XYLT1: variants seen among roughly 807,000 people sequenced by gnomAD.
The protein encoded by XYLT1 is xylosyltransferase 1.
Under a neutral mutation model 91.3 loss-of-function variants are expected in XYLT1, and 36 were observed. That is an observed-to-expected ratio of 0.39 (90% CI 0.30 to 0.52). The LOEUF (loss-of-function observed/expected upper bound fraction) is 0.52. Among genes scored for constraint, XYLT1 ranks in the 20% least tolerant of loss-of-function variants. XYLT1 has a pLI of 0.68. For synonymous variants in XYLT1, 588 were observed against 532.0 expected (o/e 1.11, Z -1.45); for missense variants, 1,242 against 1,284.5 (o/e 0.97, Z 0.51).
At position 17,226,239 on chromosome 16, in the gene XYLT1, C is replaced by T. The variant is rs553394579; in HGVS notation, c.914-25585G>A. On this transcript the variant is annotated intron_variant, in intron 3 of 11. Transcript: ENST00000261381. ...CTGAATGTATTTGTGCAGCTTGTGA[C>T]TCTGAGCAACTGAAACCAATGAAAC... Among the ~76,000 whole-genome samples the T allele has an allele frequency of 2.1e-4, 32 of 152,346 alleles. No individual in the cohort carries two copies. In the South Asian group the frequency reaches 6.2e-3, roughly 30 times the overall value.
At chr16:17,198,830 C>T (rs1193440230) in intron 4 of XYLT1, among the ~76,000 whole-genome samples, 1 of 152,174 alleles carries the variant, frequency 6.6e-6, no homozygotes, top group Non-Finnish European at 1.5e-5. Flanking sequence ...CTGCAACCTC[C>T]ACCACCCAAG....
intron 1 of XYLT1, among the ~76,000 whole-genome samples, chr16:17,395,598 T>C (rs1385518164): frequency 1.3e-5 from 2 of 151,530 alleles, no homozygotes; most frequent in Non-Finnish European, 2.9e-5. Flanking sequence ...ATCATAATAA[T>C]TATTCTTGCT....
At chr16:17,121,247 A>G (rs570827168) in intron 10 of XYLT1, among the ~76,000 whole-genome samples, 39 of 152,350 alleles carry the variant, frequency 2.6e-4, no homozygotes, top group African/African-American at 8.4e-4. Flanking sequence ...AAATGAGGAT[A>G]AACACTTCCC....
chr16:17,203,408 T>G (rs1221106367), intron 3 of XYLT1, among the ~76,000 whole-genome samples: 11 of 151,698 alleles, frequency 7.3e-5, no homozygotes, highest in African/African-American at 2.7e-4. Flanking sequence ...ACTCATCCAT[T>G]CATCCATCCA....
At chr16:17,354,989 A>G (rs2035274672) in intron 2 of XYLT1, 1 of 152,240 alleles carries the variant, frequency 6.6e-6, no homozygotes, top group Non-Finnish European at 1.5e-5. Flanking sequence ...AGCGAGAACA[A>G]TATTCCCAGG....
chr16:17,255,456 A>G (rs2033616700), intron 3 of XYLT1, among the ~76,000 whole-genome samples: 1 of 152,184 alleles, frequency 6.6e-6, no homozygotes, highest in East Asian at 1.9e-4. Flanking sequence ...CCTTCACAGA[A>G]CAAATGTGCT....
At chr16:17,161,114 G>A (rs999842255) in intron 5 of XYLT1, among the ~76,000 whole-genome samples, 1 of 152,220 alleles carries the variant, frequency 6.6e-6, no homozygotes, top group Non-Finnish European at 1.5e-5. Flanking sequence ...AGGTCTCCCA[G>A]GGTCAGCGGC....
chr16:17,174,040 T>TCA (rs1455323923), intron 5 of XYLT1, among the ~76,000 whole-genome samples: 1 of 152,164 alleles, frequency 6.6e-6, no homozygotes, highest in Non-Finnish European at 1.5e-5. Context: ...AGGGAAGCTG[T>TCA]GGTCCTTGGG....
At chr16:17,172,916 TG>T (rs1424612532) in intron 5 of XYLT1, among the ~76,000 whole-genome samples, 18 of 152,330 alleles carry the variant, frequency 1.2e-4, no homozygotes, top group African/African-American at 4.3e-4. Flanking sequence ...TCCTGCTTCT[TG>T]GGTAAAAGCT....
intron 4 of XYLT1, 127 bp from the exon 5 acceptor site, chr16:17,198,541 C>T: frequency 1.2e-6 from 1 of 830,164 alleles, no homozygotes; most frequent in Non-Finnish European, 1.9e-6. Flanking sequence ...GTGGCCTTTG[C>T]CAAGTAAATG....
At chr16:17,409,374 A>G (rs2036077160) in intron 1 of XYLT1, among the ~76,000 whole-genome samples, 1 of 152,184 alleles carries the variant, frequency 6.6e-6, no homozygotes. Flanking sequence ...CTCCTCATGC[A>G]TAAGCCAATC....
chr16:17,356,271 T>G (rs1453228246), intron 2 of XYLT1, among the ~76,000 whole-genome samples: 1 of 152,142 alleles, frequency 6.6e-6, no homozygotes, highest in Non-Finnish European at 1.5e-5. Flanking sequence ...TAGGTGACTT[T>G]ATAGAATAGA....
intron 1 of XYLT1, among the ~76,000 whole-genome samples, chr16:17,391,529 C>CT (rs2035818723): frequency 6.6e-6 from 1 of 152,202 alleles, no homozygotes; most frequent in Admixed American, 6.5e-5. Context: ...AAAATCAGCC[C>CT]TATCTGGACA....
intron 1 of XYLT1, among the ~76,000 whole-genome samples, chr16:17,373,379 C>A (rs2035560286): frequency 1.3e-5 from 2 of 152,158 alleles, no homozygotes; most frequent in Admixed American, 1.3e-4. Flanking sequence ...AATGCTCACA[C>A]CAACTCTGTG....
At chr16:17,426,747 A>G (rs1208255542) in intron 1 of XYLT1, among the ~76,000 whole-genome samples, 3 of 152,176 alleles carry the variant, frequency 2.0e-5, no homozygotes, top group African/African-American at 4.8e-5. Flanking sequence ...CAGAGACCCT[A>G]TGGCCCATAA....
At chr16:17,468,711 A>G (rs990127899) in intron 1 of XYLT1, among the ~76,000 whole-genome samples, 5 of 152,058 alleles carry the variant, frequency 3.3e-5, no homozygotes, top group Non-Finnish European at 7.4e-5. Flanking sequence ...ATTTGTTTCA[A>G]CAGGTGCTAC....
At chr16:17,324,016 A>T (rs565399583) in intron 2 of XYLT1, among the ~76,000 whole-genome samples, 3 of 152,336 alleles carry the variant, frequency 2.0e-5, no homozygotes, top group African/African-American at 7.2e-5. Context: ...AAGACATGTC[A>T]CAACAGCTGG....
In XYLT1 at chr16:17,460,471, G is replaced by A. The variant is rs572144108; in HGVS notation, c.363+9963C>T. ...ATCATGCCAGGGCAAGGCACAGGCA[G>A]TGAGAGGCAAATAAGTGCAGTGAAT... On this transcript the variant is annotated intron_variant, in intron 1 of 11. Transcript: ENST00000261381. Among the ~76,000 whole-genome samples the A allele has an allele frequency of 4.6e-5, 7 of 152,350 alleles. No homozygotes were observed. The South Asian group carries it at 1.2e-3, about 27-fold the overall frequency.
chr16:17,162,705 G>A (rs1334322633), intron 5 of XYLT1, among the ~76,000 whole-genome samples: 1 of 152,160 alleles, frequency 6.6e-6, no homozygotes. Context: ...CATACTTCAG[G>A]CCCCACCCAA....
Sources: gnomAD v4.1 joint callset for allele counts (sites outside exome capture counted in the v4.1 genomes callset) on GRCh38, gnomAD v4.1.1 for gene constraint, MANE v1.5 for transcripts, NCBI Gene and HGNC (gene_info 2026-07-23, HGNC 2026-07-21) for gene names.